The following PCDH11X variants were observed in gnomAD, a reference collection of about 807,000 sequenced individuals.
PCDH11X encodes protocadherin 11 X-linked, also known as protocadherin-11 X-linked.
Under a neutral mutation model 53.3 loss-of-function variants are expected in PCDH11X, and 18 were observed. The observed-to-expected ratio is 0.34, with a 90% CI of 0.23 to 0.50. The LOEUF (loss-of-function observed/expected upper bound fraction) is 0.50. Among genes scored for constraint, PCDH11X ranks in the 20% least tolerant of loss-of-function variants. The pLI is 0.98. For missense variants in PCDH11X, 570 were observed against 1,032.4 expected, an observed-to-expected ratio of 0.55 and a Z score of 6.14; for synonymous variants, 279 against 393.3, an observed-to-expected ratio of 0.71 and a Z score of 3.44.
chrX:92,197,666 A>C (rs756855320), intron 6 of PCDH11X, among the ~76,000 whole-genome samples: 28 of 112,100 alleles, frequency 2.5e-4, no homozygotes, highest in Non-Finnish European at 3.4e-4. Context: ...TCTCATATGC[A>C]TGTTTGAGGA....
At chrX:91,940,068 T>C (rs2061489790) in intron 6 of PCDH11X, among the ~76,000 whole-genome samples, 1 of 110,819 alleles carries the variant, frequency 9.0e-6, no homozygotes, top group African/African-American at 3.3e-5. Flanking sequence ...AGTGGATTTC[T>C]CGTGAGTGGT....
At chrX:92,492,626 C>T (rs2148686025) in intron 10 of PCDH11X, among the ~76,000 whole-genome samples, 1 of 109,099 alleles carries the variant, frequency 9.2e-6, no homozygotes, top group Non-Finnish European at 1.9e-5. Flanking sequence ...CAAAATTCTC[C>T]CCCAGCTGGG....
At position 91,803,129 on chromosome X, in the gene PCDH11X, T is replaced by C. The variant is rs1935990282; in HGVS notation, c.-378-6337T>C. 2.7e-5 allele frequency among the ~76,000 whole-genome samples: 3 copies of C among 112,111 alleles called. No homozygotes were observed. The Admixed American group carries it at 2.8e-4, about 11-fold the overall frequency. On this transcript the variant is annotated intron_variant, in intron 1 of 10. Transcript: ENST00000682573. ...GTAGCATCAAGTAAATCTATTTTCC[T>C]ATTCAATTACTTATTGAATGAATAG...
intron 6 of PCDH11X, among the ~76,000 whole-genome samples, chrX:92,148,320 C>T (rs1417784795): frequency 9.9e-6 from 1 of 101,494 alleles, no homozygotes; most frequent in African/African-American, 3.6e-5. Flanking sequence ...CCTCTGCCTC[C>T]CAGGTTCAAG....
chrX:92,476,418 T>C (rs1215774599), intron 10 of PCDH11X, among the ~76,000 whole-genome samples: 4 of 105,768 alleles, frequency 3.8e-5, no homozygotes, highest in Non-Finnish European at 7.7e-5. Flanking sequence ...ATCTCCTTGT[T>C]AAATTTATCT....
intron 6 of PCDH11X, among the ~76,000 whole-genome samples, chrX:92,038,206 A>G (rs762761000): frequency 3.9e-4 from 43 of 111,316 alleles, no homozygotes; most frequent in African/African-American, 1.2e-3. Context: ...AAGGAGCCCA[A>G]TGTTAATCCC....
Position 92,098,520 on chromosome X carries a change from G to A in PCDH11X, c.3034-102855G>A, listed in dbSNP as rs1456128721. ...GCTCATCATTTTGTTCTTCCCTTAG[G>A]ACACTAGCTAAAATCTCATCCATGG... On this transcript the variant is annotated intron_variant, in intron 6 of 10. Coordinates refer to ENST00000682573, the MANE Select transcript of PCDH11X (RefSeq NM_032968.5). 1.4e-4 allele frequency among the ~76,000 whole-genome samples: 15 copies of A among 110,855 alleles called. No individual in the cohort carries two copies. The Admixed American group carries it at 1.5e-3, about 11-fold the overall frequency.
chrX:92,086,561 TG>T lies in PCDH11X; in HGVS notation c.3034-114813del, dbSNP rs746386245. Among the ~76,000 whole-genome samples, 3 of 111,596 alleles carry T rather than the reference TG, an allele frequency of 2.7e-5. No homozygotes were observed. In the East Asian group the frequency reaches 8.5e-4, roughly 32 times the overall value. On this transcript the variant is annotated intron_variant, in intron 6 of 10. Transcript: ENST00000682573. ...CTATCTGTACCTCAAAGAAGTAAAA[TG>T]TATAGCACAGGTTACCTAAGCAAAC...
chrX:92,071,796 G>A (rs764051164), intron 6 of PCDH11X, among the ~76,000 whole-genome samples: 68 of 111,706 alleles, frequency 6.1e-4, no homozygotes, highest in African/African-American at 2.2e-3. Flanking sequence ...TTCCTGTGCT[G>A]AGCCGTCTGC....
At chrX:92,405,877 G>A (rs2071496284) in intron 9 of PCDH11X, among the ~76,000 whole-genome samples, 1 of 110,245 alleles carries the variant, frequency 9.1e-6, no homozygotes. Context: ...GGTGGATCAC[G>A]AGGTCAGGAG....
chrX:91,817,858 A>G (rs1362908555), intron 4 of PCDH11X, among the ~76,000 whole-genome samples: 1 of 111,504 alleles, frequency 9.0e-6, no homozygotes, highest in East Asian at 2.8e-4. Context: ...AAGTAATTTC[A>G]TCATGAAGAG....
intron 6 of PCDH11X, among the ~76,000 whole-genome samples, chrX:92,164,877 T>C (rs999069062): frequency 9.4e-6 from 1 of 106,199 alleles, no homozygotes; most frequent in Non-Finnish European, 1.9e-5. Context: ...GGTTTTAAAA[T>C]GGGAGTTTCC....
At chrX:91,823,998 T>C (rs1004277617) in intron 4 of PCDH11X, among the ~76,000 whole-genome samples, 1 of 111,028 alleles carries the variant, frequency 9.0e-6, no homozygotes, top group African/African-American at 3.3e-5. Flanking sequence ...TGTTGAATAT[T>C]GGCCCCCACT....
intron 6 of PCDH11X, among the ~76,000 whole-genome samples, chrX:92,110,543 G>C (rs866192837): frequency 2.0e-5 from 2 of 98,251 alleles, no homozygotes; most frequent in African/African-American, 1.0e-4. Flanking sequence ...ACATAAACAA[G>C]GGGGGGGCAG....
intron 7 of PCDH11X, among the ~76,000 whole-genome samples, chrX:92,231,048 C>T (rs991683767): frequency 9.0e-5 from 10 of 111,316 alleles, no homozygotes; most frequent in Non-Finnish European, 1.7e-4. Context: ...CCAACATCTG[C>T]GAGTATGGAG....
intron 5 of PCDH11X, among the ~76,000 whole-genome samples, 197 bp downstream of exon 5, chrX:91,836,241 T>C (rs1335157434): frequency 9.1e-6 from 1 of 110,051 alleles, no homozygotes; most frequent in Non-Finnish European, 1.9e-5. Flanking sequence ...TCATGGTATG[T>C]ATATTCATTT....
At chrX:92,433,344 T>C (rs766641331) in intron 9 of PCDH11X, among the ~76,000 whole-genome samples, 1 of 110,012 alleles carries the variant, frequency 9.1e-6, no homozygotes, top group East Asian at 2.9e-4. Flanking sequence ...GATAGTAATA[T>C]TAAACAGTGT....
intron 6 of PCDH11X, among the ~76,000 whole-genome samples, chrX:92,045,486 A>C (rs2063273000): frequency 9.3e-6 from 1 of 107,502 alleles, no homozygotes; most frequent in Non-Finnish European, 1.9e-5. Flanking sequence ...AACACAGGAA[A>C]TCTCTGGTGT....
At chrX:91,834,052 T>A (rs777286458) in intron 4 of PCDH11X, among the ~76,000 whole-genome samples, 4 of 111,635 alleles carry the variant, frequency 3.6e-5, no homozygotes, top group African/African-American at 9.7e-5. Context: ...CCTTAATAGT[T>A]GCATTAACCT....
Sources: gnomAD v4.1 joint callset for allele counts (sites outside exome capture counted in the v4.1 genomes callset) on GRCh38, gnomAD v4.1.1 for gene constraint, MANE v1.5 for transcripts, NCBI Gene and HGNC (gene_info 2026-07-23, HGNC 2026-07-21) for gene names.